The following ARMH1 variants were observed in gnomAD, a reference collection of about 807,000 sequenced individuals.
ARMH1 encodes armadillo like helical domain containing 1.
Under a neutral mutation model 50.2 loss-of-function variants are expected in ARMH1, and 34 were observed. The observed-to-expected ratio is 0.68, with a 90% confidence interval of 0.51 to 0.90. The LOEUF (loss-of-function observed/expected upper bound fraction) is 0.90, where lower values mean the gene tolerates loss of function less well. Among genes scored for constraint, ARMH1 ranks in the 40% least tolerant of loss-of-function variants. The pLI, the probability that ARMH1 is intolerant of heterozygous loss-of-function variation, is 0.00. For synonymous variants in ARMH1, 221 were observed against 224.2 expected (o/e 0.99, Z 0.13); for missense variants, 538 against 553.9 (o/e 0.97, Z 0.29).
chr1:44,720,419 T>C (rs548626919), intron 6 of ARMH1, among the ~76,000 whole-genome samples: 234 of 152,214 alleles, frequency 1.5e-3, no homozygotes, highest in African/African-American at 5.2e-3. Flanking sequence ...GCCTCGCCTG[T>C]TGGAATGCAG....
chr1:44,691,466 G>A (rs1196668318), intron 2 of ARMH1, among the ~76,000 whole-genome samples: 1 of 151,976 alleles, frequency 6.6e-6, no homozygotes, highest in Non-Finnish European at 1.5e-5. Flanking sequence ...AGTGGCATTT[G>A]TCAATCAACC....
At chr1:44,696,331 T>C (rs1457654281) in intron 2 of ARMH1, among the ~76,000 whole-genome samples, 1 of 152,226 alleles carries the variant, frequency 6.6e-6, no homozygotes, top group African/African-American at 2.4e-5. Flanking sequence ...TTAGCCTTTA[T>C]CAGCCTTGGA....
intron 2 of ARMH1, chr1:44,692,861 A>G (rs1311451908): frequency 6.6e-6 from 1 of 151,996 alleles, no homozygotes; most frequent in East Asian, 1.9e-4. Context: ...CAGCCTCCCA[A>G]GCAGATAGGA....
chr1:44,721,585 C>A (rs375605073), intron 6 of ARMH1, among the ~76,000 whole-genome samples: 1 of 151,960 alleles, frequency 6.6e-6, no homozygotes, highest in Non-Finnish European at 1.5e-5. Flanking sequence ...GACAGTAGGC[C>A]GGGCACTACA....
Position 44,698,093 on chromosome 1 carries a change from T to G in ARMH1, c.306T>G (p.Val102=). Reference sequence around the variant, plus strand: ...GGTACCTTATAGAATTTCTTGAGGTTGGAGGTGTCCTAACCCTCTTGGAAA... The same window carrying G: ...GGTACCTTATAGAATTTCTTGAGGTGGGAGGTGTCCTAACCCTCTTGGAAA... ...SNRYLIEFLE[V]GGVLTLLEIL... The change falls in exon 4 of 12, where the codon GTT becomes GTG. Residue 102 remains valine, a synonymous_variant. Transcript: ENST00000535358. 6.4e-7 allele frequency: 1 copy of G among 1,551,800 alleles called. No individual in the cohort carries two copies. The highest frequency in any genetic ancestry group is 8.7e-7 in the Non-Finnish European group (1 of 1,146,808).
rs1305757574 is a variant in ARMH1 at position 44,682,292 on chromosome 1, A to G, written c.-22-7384A>G. ...ATTGCCTAGTGGCTCTTGAGTAAACAGGAAGGCTTACGTGTCAAAGTCATT... is the reference window on the plus strand; with the variant it reads ...ATTGCCTAGTGGCTCTTGAGTAAACGGGAAGGCTTACGTGTCAAAGTCATT... On this transcript the variant is annotated intron_variant, in intron 1 of 11. Coordinates refer to ENST00000535358, the MANE Select transcript of ARMH1 (RefSeq NM_001145636.2). This position sits in a 1 kb window ranked among gnomAD's most constrained non-coding sequence, Gnocchi z 4.5. 1.3e-5 allele frequency among the ~76,000 whole-genome samples: 2 copies of G among 152,244 alleles called. No homozygotes were observed. Among genetic ancestry groups the G allele is most frequent in the Non-Finnish European group, 2.9e-5 (2 of 68,042 alleles).
At chr1:44,721,730 C>T (rs184640026) in intron 6 of ARMH1, 11 of 152,040 alleles carry the variant, frequency 7.2e-5, no homozygotes, top group East Asian at 3.9e-4. Context: ...GCTACCCCAA[C>T]CTCCCAAAGC....
At chr1:44,711,063 T>G (rs913773678) in intron 6 of ARMH1, among the ~76,000 whole-genome samples, 1 of 152,268 alleles carries the variant, frequency 6.6e-6, no homozygotes, top group African/African-American at 2.4e-5. Flanking sequence ...TTCCGTTGTA[T>G]GTATCTACCA....
chr1:44,697,247 C>G, intron 3 of ARMH1, 77 bp downstream of exon 3: 1 of 1,149,786 alleles, frequency 8.7e-7, no homozygotes, highest in Non-Finnish European at 1.3e-6. Flanking sequence ...TTCACACCAC[C>G]CAGGGCCACG....
In ARMH1 at chr1:44,687,685, G is replaced by A. The variant is rs139907754; in HGVS notation, c.-22-1991G>A. On this transcript the variant is annotated intron_variant, in intron 1 of 11. Coordinates refer to ENST00000535358, the MANE Select transcript of ARMH1 (RefSeq NM_001145636.2). Reference sequence around the variant, plus strand: ...AACTCCTCCAGCGCCCTGCAGCATCGTATTCATCTTTGCATCTCCCACGGT... The same window carrying A: ...AACTCCTCCAGCGCCCTGCAGCATCATATTCATCTTTGCATCTCCCACGGT... Among the ~76,000 whole-genome samples, 18 of 152,210 alleles carry A rather than the reference G, an allele frequency of 1.2e-4. No individual in the cohort carries two copies. In the East Asian group the frequency reaches 3.3e-3, roughly 28 times the overall value.
chr1:44,682,312 GTCATTGATCGGCACTGCGGCAAGGTA>G lies in ARMH1; in HGVS notation c.-22-7363_-22-7338del, dbSNP rs1235311912. On this transcript the variant is annotated intron_variant, in intron 1 of 11. Coordinates refer to ENST00000535358, the MANE Select transcript of ARMH1 (RefSeq NM_001145636.2). This position sits in a 1 kb window ranked among gnomAD's most constrained non-coding sequence, Gnocchi z 4.5. Reference sequence around the variant, plus strand: ...TAAACAGGAAGGCTTACGTGTCAAAGTCATTGATCGGCACTGCGGCAAGGTAGAGAGGGAAAGACAGATGGCCTGAC... The same window carrying G: ...TAAACAGGAAGGCTTACGTGTCAAAGGAGAGGGAAAGACAGATGGCCTGAC... Among the ~76,000 whole-genome samples the G allele has an allele frequency of 1.6e-4, 24 of 152,328 alleles. No homozygotes were observed. The East Asian group carries it at 3.5e-3, about 22-fold the overall frequency.
chr1:44,709,585 T>C (rs189950455), intron 6 of ARMH1, among the ~76,000 whole-genome samples: 3 of 151,550 alleles, frequency 2.0e-5, no homozygotes, highest in Admixed American at 2.0e-4. Context: ...GGCAGGAGAA[T>C]AGCTTGAACC....
intron 6 of ARMH1, among the ~76,000 whole-genome samples, chr1:44,719,707 C>G (rs184899147): frequency 1.7e-4 from 26 of 152,368 alleles, no homozygotes; most frequent in Admixed American, 1.6e-3. Context: ...GAGACCTGTT[C>G]TGTGTGCTCT....
chr1:44,703,714 T>G (rs1354706949), intron 5 of ARMH1, among the ~76,000 whole-genome samples: 2 of 123,898 alleles, frequency 1.6e-5, no homozygotes, highest in Non-Finnish European at 3.3e-5. Context: ...GGTGACAGAG[T>G]GGGAATACAT....
At position 44,689,729 on chromosome 1, in the gene ARMH1, G is replaced by A; in HGVS notation, c.32G>A (p.Ser11Asn). Residue 11 changes from serine to asparagine, a missense_variant, in exon 2 of 12, where the codon AGC (serine) becomes AAC (asparagine). Transcript: ENST00000535358. MTSIKEQAAI[S>N]RLLSFLQEWD... Reference sequence around the variant, plus strand: ...TCTATAAAGGAGCAGGCAGCAATTAGCAGGCTCTTAAGTTTTTTACAGGAG... The same window carrying A: ...TCTATAAAGGAGCAGGCAGCAATTAACAGGCTCTTAAGTTTTTTACAGGAG... 6.4e-7 allele frequency: 1 copy of A among 1,552,008 alleles called. No homozygotes were observed. The highest frequency in any genetic ancestry group is 8.7e-7 in the Non-Finnish European group (1 of 1,147,058).
At chr1:44,685,698 GCTCACTGCAAC>G (rs1209094071) in intron 1 of ARMH1, among the ~76,000 whole-genome samples, 1 of 151,678 alleles carries the variant, frequency 6.6e-6, no homozygotes, top group Non-Finnish European at 1.5e-5. Context: ...CACAATCTCG[GCTCACTGCAAC>G]CTCCACATCC....
intron 5 of ARMH1, 86 bp downstream of exon 5, chr1:44,701,205 A>G (rs761287308): frequency 7.6e-7 from 1 of 1,317,860 alleles, no homozygotes; most frequent in Non-Finnish European, 1.0e-6. Context: ...CCACACAGGC[A>G]TGAGAAACGG....
chr1:44,682,045 T>C lies in ARMH1; in HGVS notation c.-23+7172T>C, dbSNP rs1645330220. ...TCTGTAAGCACCCGAGGGCAAGGTCTATGTTTGTCACGTTAACCAATCCCA... is the reference window on the plus strand; with the variant it reads ...TCTGTAAGCACCCGAGGGCAAGGTCCATGTTTGTCACGTTAACCAATCCCA... On this transcript the variant is annotated intron_variant, in intron 1 of 11. Transcript: ENST00000535358. The surrounding 1 kb of genome is among the most constrained non-coding windows in gnomAD (Gnocchi z 4.5). Among the ~76,000 whole-genome samples the C allele has an allele frequency of 6.6e-6, 1 of 152,220 alleles. No individual in the cohort carries two copies. The highest frequency in any genetic ancestry group is 2.4e-5 in the African/African-American group (1 of 41,448).
intron 5 of ARMH1, among the ~76,000 whole-genome samples, chr1:44,703,286 C>A (rs1175756177): frequency 6.6e-6 from 1 of 152,074 alleles, no homozygotes; most frequent in Non-Finnish European, 1.5e-5. Flanking sequence ...TCATTTAATG[C>A]CTCCTGAGCT....
Sources: allele counts gnomAD v4.1 joint callset (sites outside exome capture counted in the v4.1 genomes callset), GRCh38; gene constraint gnomAD v4.1.1; non-coding constraint Gnocchi (gnomAD v3.1); transcripts MANE v1.5; gene names NCBI Gene and HGNC (gene_info 2026-07-23, HGNC 2026-07-21).